KTN1: variants seen among roughly 807,000 people sequenced by gnomAD.
The protein encoded by KTN1 is kinectin.
KTN1 carries 130 observed loss-of-function variants against 222.5 expected under a neutral mutation model. The ratio of observed to expected loss-of-function variants is 0.58; its 90% CI spans 0.51 to 0.68. KTN1 has a LOEUF of 0.68. Among genes scored for constraint, KTN1 ranks in the 30% least tolerant of loss-of-function variants. The pLI, the probability that KTN1 is intolerant of heterozygous loss-of-function variation, is 0.00. For missense variants in KTN1, 1,508 were observed against 1,500.4 expected (o/e 1.01, Z -0.08); for synonymous variants, 512 against 496.3 (o/e 1.03, Z -0.42).
intron 35 of KTN1, 68 bp downstream of exon 35, chr14:55,670,877 C>A: frequency 1.9e-6 from 2 of 1,047,248 alleles, no homozygotes; most frequent in South Asian, 1.5e-5. Context: ...ATTTTGTCTT[C>A]ATAAGCTTGG....
In KTN1 at chr14:55,658,507, A is replaced by G. The variant is rs747775439; in HGVS notation, c.2893-39A>G. The G allele has an allele frequency of 5.1e-6, 6 of 1,184,692 alleles. No homozygotes were observed. In the Admixed American group the frequency reaches 8.8e-5, roughly 17 times the overall value. The allele number at this position is 1,184,692 out of a possible 1,614,324, so 73.4% of individuals were successfully genotyped here. A position where few individuals can be genotyped will look rare whatever the true frequency, so the allele number is the denominator to read the frequency against. On this transcript the variant is annotated intron_variant, in intron 29 of 43. Transcript: ENST00000395314. ...TATGATCTAAGTTTATGTGGAAAAAATCTGTTTAGATACTGATGTTTAATT... is the reference window on the plus strand; with the variant it reads ...TATGATCTAAGTTTATGTGGAAAAAGTCTGTTTAGATACTGATGTTTAATT...
intron 5 of KTN1, among the ~76,000 whole-genome samples, chr14:55,620,995 G>A (rs113350960): frequency 0.077 from 11,747 of 152,116 alleles, 505 homozygotes; most frequent in South Asian, 0.12. Context: ...ATAGCACCCA[G>A]GTCACCTCTT....
chr14:55,659,064 T>C (rs1028119463), intron 30 of KTN1, among the ~76,000 whole-genome samples: 2 of 152,116 alleles, frequency 1.3e-5, no homozygotes, highest in African/African-American at 2.4e-5. Context: ...CAAAAGTGTG[T>C]TTTTATAAAA....
intron 28 of KTN1, among the ~76,000 whole-genome samples, chr14:55,655,751 T>A (rs1326974210): frequency 1.3e-5 from 2 of 152,238 alleles, no homozygotes; most frequent in Non-Finnish European, 2.9e-5. Flanking sequence ...AACTCCTTGC[T>A]TTTGAAGTGG....
In KTN1 at chr14:55,648,880, A is replaced by G. The variant is rs772881117; in HGVS notation, c.2367+10A>G. 6.6e-7 allele frequency: 1 copy of G among 1,513,146 alleles called. No homozygotes were observed. Among genetic ancestry groups the G allele is most frequent in the Non-Finnish European group, 9.1e-7 (1 of 1,094,400 alleles). The allele number at this position is 1,513,146 out of a possible 1,614,324, so 93.7% of individuals were successfully genotyped here. ...TAAGCAAAATGATCAGGTAATGTAAATTTTTACAACTGTTCTTTGTCTCTG... is the reference window on the plus strand; with the variant it reads ...TAAGCAAAATGATCAGGTAATGTAAGTTTTTACAACTGTTCTTTGTCTCTG... On this transcript the variant is annotated intron_variant, in intron 21 of 43. Coordinates refer to ENST00000395314, the MANE Select transcript of KTN1 (RefSeq NM_001079521.2).
chr14:55,580,985 G>T (rs1196256028), intron 1 of KTN1, among the ~76,000 whole-genome samples: 1 of 152,232 alleles, frequency 6.6e-6, no homozygotes, highest in African/African-American at 2.4e-5. Flanking sequence ...AGCATGAGGG[G>T]GGACTTTGGA....
At chr14:55,592,117 T>C (rs1446343954) in intron 1 of KTN1, among the ~76,000 whole-genome samples, 1 of 152,242 alleles carries the variant, frequency 6.6e-6, no homozygotes, top group Non-Finnish European at 1.5e-5. Context: ...TTAATGTAGT[T>C]GAATTTATCA....
chr14:55,655,059 G>T (rs2043327237), intron 28 of KTN1, among the ~76,000 whole-genome samples: 1 of 151,972 alleles, frequency 6.6e-6, no homozygotes, highest in African/African-American at 2.4e-5. Context: ...TGTGATCATG[G>T]CTCACTGCAG....
Position 55,614,058 on chromosome 14 carries a change from A to T in KTN1, c.523+1487A>T, listed in dbSNP as rs919588676. ...TCATGTAAAGGCACAGAGCTGCAAG[A>T]GTACAGTGTATTATTGAGCCATACA... On this transcript the variant is annotated intron_variant, in intron 2 of 43. Coordinates refer to ENST00000395314, the MANE Select transcript of KTN1 (RefSeq NM_001079521.2). Among the ~76,000 whole-genome samples, 3 of 152,182 alleles carry T rather than the reference A, an allele frequency of 2.0e-5. 1 individual carries two copies. Among genetic ancestry groups the T allele is most frequent in the Non-Finnish European group, 4.4e-5 (3 of 68,032 alleles).
chr14:55,644,398 T>A, intron 18 of KTN1: 1 of 702,420 alleles, frequency 1.4e-6, no homozygotes, highest in Non-Finnish European at 2.6e-6. Context: ...TGGTGCCAAG[T>A]TGTTGTTTCT....
Position 55,651,946 on chromosome 14 carries a change from AT to A in KTN1, c.2603+22del. ...AGAACTTGTAAGTACCATTTATCTC[AT>A]TTCCTTTTACTATTTCTTTTTCATG... On this transcript the variant is annotated intron_variant, in intron 25 of 43. Transcript: ENST00000395314. 1 of 1,465,782 alleles carries A rather than the reference AT, an allele frequency of 6.8e-7. No individual in the cohort carries two copies. The highest frequency in any genetic ancestry group is 9.4e-7 in the Non-Finnish European group (1 of 1,059,012). The allele number at this position is 1,465,782 out of a possible 1,614,324, so 90.8% of individuals were successfully genotyped here.
At position 55,624,070 on chromosome 14, in the gene KTN1, C is replaced by T. The variant is rs147959159; in HGVS notation, c.964-3842C>T. ...AAACTGTTCACATTTTTCCCCTTTTCCTTGGAGCCATTTGGTTTTAGATTA... is the reference window on the plus strand; with the variant it reads ...AAACTGTTCACATTTTTCCCCTTTTTCTTGGAGCCATTTGGTTTTAGATTA... On this transcript the variant is annotated intron_variant, in intron 5 of 43. Coordinates refer to ENST00000395314, the MANE Select transcript of KTN1 (RefSeq NM_001079521.2). 8.3e-3 allele frequency among the ~76,000 whole-genome samples: 1,267 copies of T among 152,254 alleles called. 9 individuals carry two copies. The highest frequency in any genetic ancestry group is 0.024 in the Middle Eastern group (7 of 294).
At chr14:55,660,271 G>C (rs563420376) in intron 31 of KTN1, among the ~76,000 whole-genome samples, 2 of 151,826 alleles carry the variant, frequency 1.3e-5, no homozygotes, top group Non-Finnish European at 2.9e-5. Flanking sequence ...CCAGCTACTC[G>C]GGAGGCTGAA....
rs183597898 is a variant in KTN1, at chr14:55,598,009, G to A, written c.-30-14010G>A. ...ATTTGTCCTAATTTCATATGGCTTT[G>A]TATACGGAAGCTTGGAGTAATTGAG... is the stretch of plus-strand genomic sequence containing the variant. On this transcript the variant is annotated intron_variant, in intron 1 of 43. Transcript: ENST00000395314. Among the ~76,000 whole-genome samples, 29 of 152,296 alleles carry A rather than the reference G, an allele frequency of 1.9e-4. 1 individual carries two copies. Among genetic ancestry groups the A allele is most frequent in the African/African-American group, 5.3e-4 (22 of 41,556 alleles).
chr14:55,641,252 TG>T, intron 17 of KTN1, 44 bp downstream of exon 17: 2 of 1,123,176 alleles, frequency 1.8e-6, no homozygotes, highest in Non-Finnish European at 2.6e-6. Flanking sequence ...AGAACAACCT[TG>T]TATACTTTTC....
At chr14:55,677,525 G>C (rs977473404) in intron 41 of KTN1, among the ~76,000 whole-genome samples, 1 of 149,158 alleles carries the variant, frequency 6.7e-6, no homozygotes, top group African/African-American at 2.5e-5. Flanking sequence ...AAATAGGTAA[G>C]TATAAAGCAG....
chr14:55,617,305 GAA>G (rs1230125971), intron 3 of KTN1, among the ~76,000 whole-genome samples: 2 of 152,180 alleles, frequency 1.3e-5, no homozygotes, highest in Non-Finnish European at 2.9e-5. Flanking sequence ...GGAATGAAAA[GAA>G]AAGAGATTTT....
Position 55,650,437 on chromosome 14 carries a change from CTG to C in KTN1, c.2496+23_2496+24del. 1 of 1,581,458 alleles carries C rather than the reference CTG, an allele frequency of 6.3e-7. No homozygotes were observed. The highest frequency in any genetic ancestry group is 8.6e-7 in the Non-Finnish European group (1 of 1,157,784). ...TGTTCAGGTATTGGGAGACAGAGAA[CTG>C]TGTTTTATGTTTTTGTTTATCAACT... is the stretch of plus-strand genomic sequence containing the variant. On this transcript the variant is annotated intron_variant, in intron 23 of 43. Coordinates refer to ENST00000395314, the MANE Select transcript of KTN1 (RefSeq NM_001079521.2).
intron 21 of KTN1, 104 bp from the exon 22 acceptor site, chr14:55,649,672 T>A (rs2042745123): frequency 2.9e-6 from 2 of 693,064 alleles, no homozygotes; most frequent in Non-Finnish European, 4.9e-6. Flanking sequence ...TTTTCCCATT[T>A]GGATTTTGAT....
Sources: allele counts gnomAD v4.1 joint callset (sites outside exome capture counted in the v4.1 genomes callset), GRCh38; gene constraint gnomAD v4.1.1; transcripts MANE v1.5; gene names NCBI Gene and HGNC (gene_info 2026-07-23, HGNC 2026-07-21).